LRRC4C: variants seen among roughly 807,000 people sequenced by gnomAD.
The protein encoded by LRRC4C is leucine-rich repeat-containing protein 4C.
A neutral mutation model predicts 33.6 loss-of-function variants in LRRC4C; 5 were observed. The ratio of observed to expected loss-of-function variants is 0.15; its 90% confidence interval spans 0.08 to 0.31. The LOEUF (loss-of-function observed/expected upper bound fraction) is 0.31, where lower values mean the gene tolerates loss of function less well. Among genes scored for constraint, LRRC4C ranks in the 10% least tolerant of loss-of-function variants. The pLI is 1.00. For missense variants in LRRC4C, 560 were observed against 796.7 expected, an observed-to-expected ratio of 0.70 and a Z score of 3.58; for synonymous variants, 329 against 302.0, an observed-to-expected ratio of 1.09 and a Z score of -0.93.
intron 1 of LRRC4C, among the ~76,000 whole-genome samples, chr11:41,200,765 A>G (rs778365097): frequency 7.9e-5 from 12 of 152,180 alleles, no homozygotes; most frequent in Non-Finnish European, 1.6e-4. Flanking sequence ...TTAAAACAGT[A>G]TTTTTGAAAT....
Position 41,346,028 on chromosome 11 carries a change from G to T in LRRC4C, c.-496+113403C>A, listed in dbSNP as rs183727918. Among the ~76,000 whole-genome samples the T allele has an allele frequency of 1.7e-3, 262 of 152,290 alleles. 2 individuals are homozygous for T. Among genetic ancestry groups the T allele is most frequent in the Non-Finnish European group, 2.6e-3 (174 of 68,026 alleles). The stretch of plus-strand genomic sequence containing the variant: ...AAGTATTCTAAGGAACACATGGATA[G>T]AAGGAGGATTCTGGGTGTTTCTATA... On this transcript the variant is annotated intron_variant, in intron 1 of 6. Coordinates refer to ENST00000528697, the MANE Select transcript of LRRC4C (RefSeq NM_001258419.2).
chr11:40,343,149 G>C (rs1383868909), intron 3 of LRRC4C, among the ~76,000 whole-genome samples: 3 of 151,982 alleles, frequency 2.0e-5, no homozygotes, highest in African/African-American at 7.2e-5. Context: ...ACTACCATTG[G>C]AAATTCATAT....
chr11:40,467,817 T>A (rs899948600), intron 3 of LRRC4C, among the ~76,000 whole-genome samples: 3 of 152,300 alleles, frequency 2.0e-5, no homozygotes, highest in South Asian at 4.1e-4. Context: ...TAGGCCAAGA[T>A]AGACTATATT....
At chr11:40,569,244 A>G (rs901953158) in intron 3 of LRRC4C, among the ~76,000 whole-genome samples, 1 of 152,186 alleles carries the variant, frequency 6.6e-6, no homozygotes, top group African/African-American at 2.4e-5. Flanking sequence ...AAAGGATGCT[A>G]TGAATGGACA....
chr11:40,342,698 T>C (rs953879822), intron 3 of LRRC4C, among the ~76,000 whole-genome samples: 1 of 152,234 alleles, frequency 6.6e-6, no homozygotes, highest in African/African-American at 2.4e-5. Flanking sequence ...TTCTTTTTGA[T>C]GTGATCAGTT....
intron 1 of LRRC4C, among the ~76,000 whole-genome samples, chr11:41,330,994 C>T (rs1391289148): frequency 6.6e-6 from 1 of 152,036 alleles, no homozygotes; most frequent in Non-Finnish European, 1.5e-5. Context: ...ATTCATTTTT[C>T]TTCCTAATGA....
chr11:40,983,668 A>C (rs1852700873), intron 1 of LRRC4C, among the ~76,000 whole-genome samples: 1 of 152,186 alleles, frequency 6.6e-6, no homozygotes, highest in South Asian at 2.1e-4. Context: ...CAACCCCATT[A>C]AAAAGTGGGC....
intron 1 of LRRC4C, among the ~76,000 whole-genome samples, chr11:41,117,850 G>A (rs992337784): frequency 6.6e-6 from 1 of 152,030 alleles, no homozygotes; most frequent in Non-Finnish European, 1.5e-5. Flanking sequence ...TTACACTTAT[G>A]AGCAGAGTGC....
At chr11:41,127,255 GTT>G (rs35456009) in intron 1 of LRRC4C, among the ~76,000 whole-genome samples, 20 of 143,742 alleles carry the variant, frequency 1.4e-4, no homozygotes, top group South Asian at 4.4e-4. Flanking sequence ...AAAGACTAGA[GTT>G]TTTTTTTTTT....
At chr11:41,279,220 C>T (rs911458994) in intron 1 of LRRC4C, among the ~76,000 whole-genome samples, 2 of 152,038 alleles carry the variant, frequency 1.3e-5, no homozygotes, top group African/African-American at 4.8e-5. Context: ...TGATGGGCAT[C>T]TAGGTTGATT....
chr11:41,137,610 A>G (rs1244735898), intron 1 of LRRC4C, among the ~76,000 whole-genome samples: 3 of 152,204 alleles, frequency 2.0e-5, no homozygotes, highest in African/African-American at 4.8e-5. Flanking sequence ...TAGTGGGTAG[A>G]CACTTTGAGA....
At chr11:40,147,709 ATAAT>A (rs1449578445) in intron 5 of LRRC4C, among the ~76,000 whole-genome samples, 8 of 152,130 alleles carry the variant, frequency 5.3e-5, no homozygotes, top group African/African-American at 1.9e-4. Context: ...AAAAAACAGA[ATAAT>A]TGAGAGGAAA....
intron 1 of LRRC4C, among the ~76,000 whole-genome samples, chr11:41,181,002 A>G (rs753571236): frequency 6.6e-6 from 1 of 152,024 alleles, no homozygotes; most frequent in Non-Finnish European, 1.5e-5. Flanking sequence ...ACCAGTTCTC[A>G]TCTTTGGGAG....
intron 3 of LRRC4C, among the ~76,000 whole-genome samples, chr11:40,631,385 A>G (rs1056718572): frequency 2.0e-5 from 3 of 152,200 alleles, no homozygotes; most frequent in Admixed American, 6.5e-5. Context: ...AGTAATTGCC[A>G]GATATGTTTG....
intron 3 of LRRC4C, among the ~76,000 whole-genome samples, chr11:40,586,428 T>C (rs940854896): frequency 0.03 from 4,400 of 147,962 alleles, 249 homozygotes; most frequent in African/African-American, 0.1. Flanking sequence ...GTAGGTTGCC[T>C]GTTCACTCTG....
chr11:40,668,473 CA>C (rs1274070137), intron 2 of LRRC4C, among the ~76,000 whole-genome samples: 2 of 152,130 alleles, frequency 1.3e-5, no homozygotes, highest in Non-Finnish European at 2.9e-5. Flanking sequence ...ATAGTGGCTA[CA>C]AATAAAGTTC....
intron 3 of LRRC4C, among the ~76,000 whole-genome samples, chr11:40,341,800 TTGAC>T (rs1294865293): frequency 5.9e-5 from 9 of 152,178 alleles, no homozygotes; most frequent in East Asian, 1.9e-4. Flanking sequence ...CAACTTGCCT[TTGAC>T]TGAGTGAGTG....
chr11:41,039,906 C>A (rs1484600703), intron 1 of LRRC4C, among the ~76,000 whole-genome samples: 1 of 151,914 alleles, frequency 6.6e-6, no homozygotes, highest in Admixed American at 6.6e-5. Context: ...CTTTGGGAGG[C>A]CGAGGCAGGC....
At chr11:41,252,889 A>C (rs535071847) in intron 1 of LRRC4C, among the ~76,000 whole-genome samples, 2 of 152,234 alleles carry the variant, frequency 1.3e-5, no homozygotes, top group East Asian at 3.9e-4. Context: ...CCACAAGAAC[A>C]GCACGTGAAA....
Sources: allele counts gnomAD v4.1 joint callset (sites outside exome capture counted in the v4.1 genomes callset), GRCh38; gene constraint gnomAD v4.1.1; transcripts MANE v1.5; gene names NCBI Gene and HGNC (gene_info 2026-07-23, HGNC 2026-07-21).